MSRB3: variants seen among roughly 807,000 people sequenced by gnomAD.
The protein encoded by MSRB3 is methionine-R-sulfoxide reductase B3.
MSRB3 carries 13 observed loss-of-function variants against 21.0 expected under a neutral mutation model. The observed-to-expected ratio is 0.62, with a 90% CI of 0.40 to 0.98. MSRB3 has a LOEUF of 0.98. MSRB3 is among the 50% of genes least tolerant of loss of function. MSRB3 has a pLI of 0.00. For synonymous variants in MSRB3, 87 were observed against 88.6 expected (o/e 0.98, Z 0.10); for missense variants, 199 against 230.3 (o/e 0.86, Z 0.88).
At chr12:65,341,829 A>G (rs773295388) in intron 4 of MSRB3, among the ~76,000 whole-genome samples, 2 of 152,048 alleles carry the variant, frequency 1.3e-5, no homozygotes, top group Non-Finnish European at 2.9e-5. Context: ...AAATGGTTCA[A>G]TACTGGGACA....
intron 1 of MSRB3, among the ~76,000 whole-genome samples, chr12:65,303,086 G>A (rs1275381293): frequency 6.6e-6 from 1 of 152,060 alleles, no homozygotes; most frequent in Non-Finnish European, 1.5e-5. Context: ...GGGTGTGGTG[G>A]AGGGGAGCAT....
At chr12:65,306,796 C>T (rs1873678884) in intron 1 of MSRB3, 1 of 948,946 alleles carries the variant, frequency 1.1e-6, no homozygotes, top group Admixed American at 6.2e-5. Context: ...TGCTGGAGGG[C>T]TCCCGGTATT....
intron 4 of MSRB3, among the ~76,000 whole-genome samples, chr12:65,338,695 TAAC>T (rs1325211694): frequency 5.9e-5 from 9 of 151,874 alleles, no homozygotes; most frequent in East Asian, 1.9e-4. Context: ...GCTAGAAAAA[TAAC>T]AACAAAATCA....
intron 5 of MSRB3, among the ~76,000 whole-genome samples, chr12:65,429,361 T>C (rs530196602): frequency 2.0e-5 from 3 of 151,890 alleles, no homozygotes; most frequent in Admixed American, 6.6e-5. Context: ...CACAAAGAGC[T>C]TGGGGGAGTG....
chr12:65,282,582 C>T (rs553350729), intron 1 of MSRB3, among the ~76,000 whole-genome samples: 4 of 151,898 alleles, frequency 2.6e-5, no homozygotes, highest in South Asian at 4.2e-4. Flanking sequence ...AAGTCAAATG[C>T]AGGCAGACCT....
At chr12:65,368,499 T>G (rs111715825) in intron 4 of MSRB3, among the ~76,000 whole-genome samples, 138 of 152,324 alleles carry the variant, frequency 9.1e-4, no homozygotes, top group Non-Finnish European at 1.8e-3. Flanking sequence ...AACCAATATC[T>G]GAAACATAAT....
At chr12:65,397,934 A>G (rs1378954416) in intron 5 of MSRB3, among the ~76,000 whole-genome samples, 1 of 152,186 alleles carries the variant, frequency 6.6e-6, no homozygotes, top group Non-Finnish European at 1.5e-5. Flanking sequence ...CAAAAGACAT[A>G]AACTCATCCT....
chr12:65,429,297 G>T (rs935062412), intron 5 of MSRB3, among the ~76,000 whole-genome samples: 1 of 152,142 alleles, frequency 6.6e-6, no homozygotes, highest in African/African-American at 2.4e-5. Context: ...TTCAGGGAAA[G>T]CCTACTGAGG....
chr12:65,349,002 C>T (rs1380124291), intron 4 of MSRB3, among the ~76,000 whole-genome samples: 2 of 152,192 alleles, frequency 1.3e-5, no homozygotes, highest in East Asian at 3.9e-4. Flanking sequence ...TGGTGCGCTG[C>T]ACCCACTAAC....
At chr12:65,435,624 C>A (rs1882079703) in intron 5 of MSRB3, among the ~76,000 whole-genome samples, 2 of 151,776 alleles carry the variant, frequency 1.3e-5, no homozygotes, top group Admixed American at 1.3e-4. Flanking sequence ...CACTGATGAC[C>A]CAGATTCAGG....
chr12:65,325,257 A>G (rs1007270521), intron 2 of MSRB3, among the ~76,000 whole-genome samples: 10 of 152,216 alleles, frequency 6.6e-5, no homozygotes, highest in African/African-American at 2.2e-4. Flanking sequence ...AAATACAAGT[A>G]GTAGGTATTT....
intron 4 of MSRB3, among the ~76,000 whole-genome samples, chr12:65,364,954 C>T (rs1461011780): frequency 6.6e-6 from 1 of 151,844 alleles, no homozygotes; most frequent in African/African-American, 2.4e-5. Flanking sequence ...AAATTGATAC[C>T]CAAGGCCATT....
At chr12:65,346,418 T>A (rs1441557250) in intron 4 of MSRB3, among the ~76,000 whole-genome samples, 1 of 152,170 alleles carries the variant, frequency 6.6e-6, no homozygotes, top group Admixed American at 6.6e-5. Flanking sequence ...CTTCACCCAC[T>A]TTTTGATGGG....
rs930422680 is a variant in MSRB3, at chr12:65,278,887, C to A, written c.-52+22C>A. On this transcript the variant is annotated intron_variant, in intron 1 of 6. Transcript: ENST00000308259. ...TCCGGTAAGTTCGGGCTCCCCTCCC[C>A]TCTCCTCCTCGCCTCACCCCTCCCA... 8.4e-6 allele frequency: 13 copies of A among 1,550,436 alleles called. No homozygotes were observed. In the Admixed American group the frequency reaches 1.4e-4, roughly 16 times the overall value.
chr12:65,380,533 C>T (rs1480927962), intron 5 of MSRB3, among the ~76,000 whole-genome samples: 1 of 152,100 alleles, frequency 6.6e-6, no homozygotes, highest in Non-Finnish European at 1.5e-5. Context: ...CAAGATCGCA[C>T]CACTGTACTC....
At chr12:65,395,911 T>C (rs1592596771) in intron 5 of MSRB3, among the ~76,000 whole-genome samples, 1 of 152,214 alleles carries the variant, frequency 6.6e-6, no homozygotes. Flanking sequence ...TTAGTTAACC[T>C]AGCAAGAGGC....
chr12:65,461,422 G>A (rs908087358), intron 6 of MSRB3, among the ~76,000 whole-genome samples: 5 of 152,076 alleles, frequency 3.3e-5, no homozygotes, highest in Admixed American at 3.3e-4. Flanking sequence ...TTGTTTTTTA[G>A]GCCTGTTTCA....
intron 1 of MSRB3, among the ~76,000 whole-genome samples, chr12:65,294,274 A>G (rs1014182825): frequency 6.6e-6 from 1 of 152,190 alleles, no homozygotes; most frequent in Non-Finnish European, 1.5e-5. Flanking sequence ...CTCATGGCCT[A>G]CCTGCCCTCT....
At chr12:65,397,827 C>T (rs1488453705) in intron 5 of MSRB3, among the ~76,000 whole-genome samples, 1 of 152,144 alleles carries the variant, frequency 6.6e-6, no homozygotes, top group East Asian at 1.9e-4. Flanking sequence ...TCTCATTGTT[C>T]AACTCCCACT....
Sources: allele counts gnomAD v4.1 joint callset (sites outside exome capture counted in the v4.1 genomes callset), GRCh38; gene constraint gnomAD v4.1.1; transcripts MANE v1.5; gene names NCBI Gene and HGNC (gene_info 2026-07-23, HGNC 2026-07-21).